RGS6: variants seen among roughly 807,000 people sequenced by gnomAD.
The protein encoded by RGS6 is regulator of G protein signaling 6.
RGS6 carries 30 observed loss-of-function variants against 78.5 expected under a neutral mutation model. The observed-to-expected ratio is 0.38, with a 90% CI of 0.29 to 0.52. The LOEUF (loss-of-function observed/expected upper bound fraction) is 0.52, where lower values mean the gene tolerates loss of function less well. Ranked by LOEUF, RGS6 falls within the 20% of genes least tolerant of loss-of-function variation. RGS6 has a pLI of 0.85. For missense variants in RGS6, 495 were observed against 609.7 expected, an observed-to-expected ratio of 0.81 and a Z score of 1.98; for synonymous variants, 206 against 206.0, an observed-to-expected ratio of 1.00 and a Z score of 0.00.
At chr14:71,930,690 T>C (rs932107198), upstream of RGS6, among the ~76,000 whole-genome samples, 1 of 151,866 alleles carries the variant, frequency 6.6e-6, no homozygotes, top group African/African-American at 2.4e-5. Context: ...GCCTCAGAAA[T>C]GCAGAGTTCC....
At chr14:72,156,686 G>A (rs1055506800) in intron 2 of RGS6, among the ~76,000 whole-genome samples, 8 of 151,640 alleles carry the variant, frequency 5.3e-5, no homozygotes, top group Non-Finnish European at 8.8e-5. Context: ...AATAAGATGA[G>A]ATCTGCTATT....
intron 3 of RGS6, among the ~76,000 whole-genome samples, chr14:72,357,132 G>A (rs2080472865): frequency 6.6e-6 from 1 of 151,906 alleles, no homozygotes; most frequent in African/African-American, 2.4e-5. Flanking sequence ...TTAGCTCAGT[G>A]GTAGTGGCAC....
At chr14:72,476,870 G>A in intron 11 of RGS6, 30 bp downstream of exon 11, 1 of 1,575,900 alleles carries the variant, frequency 6.3e-7, no homozygotes, top group Non-Finnish European at 8.7e-7. Context: ...GCACTCTCAG[G>A]AGGAGACGTG....
At chr14:72,602,329 AG>A in the RGS6 span, among the ~76,000 whole-genome samples, 1 of 152,242 alleles carries the variant, frequency 6.6e-6, no homozygotes, top group African/African-American at 2.4e-5. Context: ...TGGTAGGAGA[AG>A]GATGAGAGAG....
intron 15 of RGS6, among the ~76,000 whole-genome samples, chr14:72,524,780 A>G (rs988577048): frequency 2.0e-5 from 3 of 152,340 alleles, no homozygotes; most frequent in African/African-American, 7.2e-5. Flanking sequence ...TCATTTTCAA[A>G]CAAAACAAAC....
chr14:71,994,331 T>C (rs2095099754), intron 2 of RGS6, among the ~76,000 whole-genome samples: 3 of 152,324 alleles, frequency 2.0e-5, no homozygotes, highest in Non-Finnish European at 2.9e-5. Flanking sequence ...TTGATTCTTA[T>C]GGTTATTTAT....
chr14:72,388,840 A>G (rs1005849343), intron 3 of RGS6, among the ~76,000 whole-genome samples: 5 of 152,166 alleles, frequency 3.3e-5, no homozygotes, highest in Admixed American at 6.5e-5. Context: ...GCTATTCATA[A>G]TAGTATCTAC....
At position 71,970,408 on chromosome 14, in the gene RGS6, A is replaced by G. The variant is rs528210311; in HGVS notation, c.84+5533A>G. Among the ~76,000 whole-genome samples the G allele has an allele frequency of 3.0e-4, 45 of 152,332 alleles. No individual in the cohort carries two copies. In the South Asian group the frequency reaches 9.1e-3, roughly 31 times the overall value. ...CCAAGGTCACTCTTCCTAATGATTT[A>G]GGGCCCTTGAAGTCCTGGGCAGTTG... is the stretch of plus-strand genomic sequence containing the variant. On this transcript the variant is annotated intron_variant, in intron 2 of 17. Transcript: ENST00000553525.
At chr14:72,384,609 C>T (rs1338604763) in intron 3 of RGS6, among the ~76,000 whole-genome samples, 1 of 152,084 alleles carries the variant, frequency 6.6e-6, no homozygotes, top group East Asian at 1.9e-4. Flanking sequence ...GTGTCAAATC[C>T]ATAGGTGTAC....
intron 3 of RGS6, among the ~76,000 whole-genome samples, chr14:72,357,297 T>G (rs1369232063): frequency 6.6e-6 from 1 of 151,188 alleles, no homozygotes; most frequent in East Asian, 1.9e-4. Flanking sequence ...TGGAAGTGAC[T>G]TTGGAACATG....
At position 72,220,604 on chromosome 14, in the gene RGS6, G is replaced by A. The variant is rs139400557; in HGVS notation, c.85-131491G>A. On this transcript the variant is annotated intron_variant, in intron 2 of 17. Transcript: ENST00000553525. ...TTGGGAAACTCAAGTGGCTGCTTCCGTATAGTATTTTAAGAAACGTGGCTG... is the reference window on the plus strand; with the variant it reads ...TTGGGAAACTCAAGTGGCTGCTTCCATATAGTATTTTAAGAAACGTGGCTG... Among the ~76,000 whole-genome samples the A allele has an allele frequency of 1.4e-4, 22 of 152,274 alleles. No homozygotes were observed. In the East Asian group the frequency reaches 3.3e-3, roughly 23 times the overall value.
chr14:72,502,719 G>C (rs973113427), intron 13 of RGS6, among the ~76,000 whole-genome samples: 3 of 152,124 alleles, frequency 2.0e-5, no homozygotes, highest in Non-Finnish European at 2.9e-5. Context: ...AGCTGAGATC[G>C]TGCCATTGCA....
intron 2 of RGS6, among the ~76,000 whole-genome samples, chr14:71,991,079 C>T (rs976950846): frequency 1.2e-4 from 19 of 152,126 alleles, no homozygotes; most frequent in African/African-American, 4.3e-4. Context: ...TGCTTGGCAC[C>T]AAGTAGGTGA....
chr14:72,126,191 T>C (rs1418786157), intron 2 of RGS6, among the ~76,000 whole-genome samples: 1 of 152,212 alleles, frequency 6.6e-6, no homozygotes, highest in African/African-American at 2.4e-5. Flanking sequence ...TAGAGGAAAG[T>C]CCACATTTAC....
At chr14:72,104,803 T>C (rs2095599925) in intron 2 of RGS6, among the ~76,000 whole-genome samples, 1 of 152,200 alleles carries the variant, frequency 6.6e-6, no homozygotes, top group Non-Finnish European at 1.5e-5. Context: ...AGGGATCTTG[T>C]TAAATTGCTC....
In RGS6 at chr14:72,269,208, T is replaced by A. The variant is rs148443614; in HGVS notation, c.85-82887T>A. On this transcript the variant is annotated intron_variant, in intron 2 of 17. Coordinates refer to ENST00000553525, the MANE Select transcript of RGS6 (RefSeq NM_001204424.2). ...AGCACTGTGATACCCTTCTTCTTGG[T>A]CATCCTGCCCCTGCCCTGACTTCCC... Among the ~76,000 whole-genome samples the A allele has an allele frequency of 1.1e-3, 169 of 152,312 alleles. 1 individual carries two copies. Among genetic ancestry groups the A allele is most frequent in the Non-Finnish European group, 2.1e-3 (144 of 68,032 alleles).
chr14:72,391,394 G>C (rs983010446), intron 3 of RGS6, among the ~76,000 whole-genome samples: 2 of 152,210 alleles, frequency 1.3e-5, no homozygotes, highest in Non-Finnish European at 2.9e-5. Context: ...ATCCATCATC[G>C]TATGTGAGTT....
chr14:72,011,164 A>G (rs894545764), intron 2 of RGS6, among the ~76,000 whole-genome samples: 2 of 152,202 alleles, frequency 1.3e-5, no homozygotes, highest in Non-Finnish European at 2.9e-5. Context: ...GACCTTGGTT[A>G]TGAGTTTCAT....
chr14:72,563,448 G>T lies in RGS6; in HGVS notation c.*981G>T, dbSNP rs1365323026. The T allele has an allele frequency of 6.5e-6, 1 of 152,942 alleles. No homozygotes were observed. Among genetic ancestry groups the T allele is most frequent in the African/African-American group, 2.4e-5 (1 of 41,452 alleles). The allele number at this position is 152,942 out of a possible 1,614,324, so 9.5% of individuals were successfully genotyped here. On this transcript the variant is annotated 3_prime_UTR_variant, in exon 18 of 18. Coordinates refer to ENST00000553525, the MANE Select transcript of RGS6 (RefSeq NM_001204424.2). ...CAGGGCTGGCAGCCCCCACGTGGTG[G>T]CATCCTGACAGGCACAGTGAGACCC...
Sources: allele counts gnomAD v4.1 joint callset (sites outside exome capture counted in the v4.1 genomes callset), GRCh38; gene constraint gnomAD v4.1.1; transcripts MANE v1.5; gene names NCBI Gene and HGNC (gene_info 2026-07-23, HGNC 2026-07-21).